Variants in SLC44A4 observed in about 807,000 individuals in gnomAD.
The protein encoded by SLC44A4 is choline transporter-like protein 4.
SLC44A4 carries 74 observed loss-of-function variants against 97.0 expected under a neutral mutation model. The observed-to-expected ratio is 0.76, with a 90% CI of 0.63 to 0.93. SLC44A4 has a LOEUF of 0.93. Among genes scored for constraint, SLC44A4 ranks in the 40% least tolerant of loss-of-function variants. The pLI, the probability that SLC44A4 is intolerant of heterozygous loss-of-function variation, is 0.00. For missense variants in SLC44A4, 799 were observed against 902.9 expected (o/e 0.88, Z 1.48); for synonymous variants, 325 against 363.8 (o/e 0.89, Z 1.21).
rs773487590 is a variant in SLC44A4, at chr6:31,865,094, T to TAGGGC, written c.1761-19_1761-15dup. 9.9e-6 allele frequency: 16 copies of TAGGGC among 1,613,230 alleles called. No homozygotes were observed. The Admixed American group carries it at 2.7e-4, about 27-fold the overall frequency. On this transcript the variant is annotated splice_polypyrimidine_tract_variant and intron_variant, in intron 17 of 20. Coordinates refer to ENST00000229729, the MANE Select transcript of SLC44A4 (RefSeq NM_025257.3). This position sits in a 1 kb window ranked among gnomAD's most constrained non-coding sequence, Gnocchi z 5.2. ...AGGACGACCACCCTGTGCCAGAAGT[T>TAGGGC]AGGGCAGGTTGAGGGTGAGAGGCCT...
Position 31,877,216 on chromosome 6 carries a change from G to A in SLC44A4, c.41-134C>T, listed in dbSNP as rs1230064952. 3.3e-6 allele frequency: 3 copies of A among 897,860 alleles called. No homozygotes were observed. Among genetic ancestry groups the A allele is most frequent in the Non-Finnish European group, 5.1e-6 (3 of 585,878 alleles). 55.6% of individuals were successfully genotyped at this position (897,860 alleles called of 1,614,324 possible). On this transcript the variant is annotated intron_variant, in intron 1 of 20. Transcript: ENST00000229729. The surrounding 1 kb of genome is among the most constrained non-coding windows in gnomAD (Gnocchi z 6.5). ...AGATGGGCTAGGGCAGGACTGGCAG[G>A]AGGGGAAAACTGGGGAGCAGGAAAG...
chr6:31,874,414 A>C lies in SLC44A4; in HGVS notation c.529+46T>G, dbSNP rs1168184278. 1 of 1,598,976 alleles carries C rather than the reference A, an allele frequency of 6.3e-7. No individual in the cohort carries two copies. The highest frequency in any genetic ancestry group is 1.7e-5 in the Admixed American group (1 of 59,942). On this transcript the variant is annotated intron_variant, in intron 7 of 20. Coordinates refer to ENST00000229729, the MANE Select transcript of SLC44A4 (RefSeq NM_025257.3). This position sits in a 1 kb window ranked among gnomAD's most constrained non-coding sequence, Gnocchi z 4.8. The stretch of plus-strand genomic sequence containing the variant: ...CTGATTTCTTCATTCAAGCAATGAA[A>C]ACACTGGACTAGATGACGTCTGAGG...
In SLC44A4 at chr6:31,865,283, G is replaced by A. The variant is rs1169835488; in HGVS notation, c.1760+32C>T. The A allele has an allele frequency of 6.2e-7, 1 of 1,612,928 alleles. No homozygotes were observed. The highest frequency in any genetic ancestry group is 1.3e-5 in the African/African-American group (1 of 74,842). ...AGCCTTGGGTGGGAGATCAGAGGAG[G>A]GAGCCACAAAGCGGGGGGGGAGCAG... On this transcript the variant is annotated intron_variant, in intron 17 of 20. Coordinates refer to ENST00000229729, the MANE Select transcript of SLC44A4 (RefSeq NM_025257.3). The surrounding 1 kb of genome is among the most constrained non-coding windows in gnomAD (Gnocchi z 5.2).
Position 31,874,603 on chromosome 6 carries a change from G to C in SLC44A4, c.469-83C>G. The stretch of plus-strand genomic sequence containing the variant: ...CCCCTCACCACCACCATGGGGCTCA[G>C]CCTGTCCCACACTCCCCAGGAGAGC... On this transcript the variant is annotated intron_variant, in intron 6 of 20. Transcript: ENST00000229729. This position sits in a 1 kb window ranked among gnomAD's most constrained non-coding sequence, Gnocchi z 4.8. 1 of 1,572,566 alleles carries C rather than the reference G, an allele frequency of 6.4e-7. No homozygotes were observed. The highest frequency in any genetic ancestry group is 8.6e-7 in the Non-Finnish European group (1 of 1,157,722).
In SLC44A4 at chr6:31,876,278, T is replaced by A. The variant is rs1763442097; in HGVS notation, c.90-149A>T. On this transcript the variant is annotated intron_variant, in intron 2 of 20. Transcript: ENST00000229729. The surrounding 1 kb of genome is among the most constrained non-coding windows in gnomAD (Gnocchi z 4.8). ...TTTTATTTTTTTATTGCTTTTACTT[T>A]TTTATTTTGAGACAGGGTCTCACTC... The A allele has an allele frequency of 1.3e-5, 8 of 623,768 alleles. No homozygotes were observed. The highest frequency in any genetic ancestry group is 3.7e-5 in the African/African-American group (2 of 53,424). The allele number at this position is 623,768 out of a possible 1,614,324, so 38.6% of individuals were successfully genotyped here.
intron 20 of SLC44A4, among the ~76,000 whole-genome samples, chr6:31,864,203 T>G (rs1045955455): frequency 2.6e-5 from 4 of 152,156 alleles, no homozygotes; most frequent in Non-Finnish European, 5.9e-5. Flanking sequence ...GCCTCCCAAG[T>G]GGCTGGGATT....
chr6:31,865,180 G>A lies in SLC44A4; in HGVS notation c.1761-100C>T. 6.5e-7 allele frequency: 1 copy of A among 1,542,266 alleles called. No homozygotes were observed. Among genetic ancestry groups the A allele is most frequent in the Non-Finnish European group, 9.0e-7 (1 of 1,115,144 alleles). Reference sequence around the variant, plus strand: ...TGGGGACTGGTGCAAAATGAAAATTGTTCACGTTTCAAGATGGCAAGAGCA... The same window carrying A: ...TGGGGACTGGTGCAAAATGAAAATTATTCACGTTTCAAGATGGCAAGAGCA... On this transcript the variant is annotated intron_variant, in intron 17 of 20. Transcript: ENST00000229729. This position sits in a 1 kb window ranked among gnomAD's most constrained non-coding sequence, Gnocchi z 5.2.
At chr6:31,868,240 C>A (rs1025017846) in intron 13 of SLC44A4, among the ~76,000 whole-genome samples, 2 of 152,216 alleles carry the variant, frequency 1.3e-5, no homozygotes, top group Non-Finnish European at 1.5e-5. Context: ...GCGCCACTCC[C>A]GGGGAACCTC....
intron 11 of SLC44A4, among the ~76,000 whole-genome samples, chr6:31,869,859 C>T (rs1763061330): frequency 6.6e-6 from 1 of 152,178 alleles, no homozygotes. Flanking sequence ...GTGGCGGGCG[C>T]CTGTAGTGCC....
Position 31,865,492 on chromosome 6 carries a change from G to T in SLC44A4, c.1686+6C>A. 1 of 1,611,524 alleles carries T rather than the reference G, an allele frequency of 6.2e-7. No homozygotes were observed. The highest frequency in any genetic ancestry group is 8.5e-7 in the Non-Finnish European group (1 of 1,177,870). The stretch of plus-strand genomic sequence containing the variant: ...AGAACAAAGGGTTGCTTGCAGTGTA[G>T]CTCACCATGATGTATGCATTGCGGT... On this transcript the variant is annotated splice_donor_region_variant and intron_variant, in intron 16 of 20. Coordinates refer to ENST00000229729, the MANE Select transcript of SLC44A4 (RefSeq NM_025257.3). This position sits in a 1 kb window ranked among gnomAD's most constrained non-coding sequence, Gnocchi z 5.2.
At position 31,874,598 on chromosome 6, in the gene SLC44A4, G is replaced by A; in HGVS notation, c.469-78C>T. 6.4e-7 allele frequency: 1 copy of A among 1,574,158 alleles called. No homozygotes were observed. Among genetic ancestry groups the A allele is most frequent in the South Asian group, 1.2e-5 (1 of 83,564 alleles). ...CAGGTCCCCTCACCACCACCATGGG[G>A]CTCAGCCTGTCCCACACTCCCCAGG... On this transcript the variant is annotated intron_variant, in intron 6 of 20. Coordinates refer to ENST00000229729, the MANE Select transcript of SLC44A4 (RefSeq NM_025257.3). The surrounding 1 kb of genome is among the most constrained non-coding windows in gnomAD (Gnocchi z 4.8).
At chr6:31,864,975 C>G (rs1762768985) in intron 18 of SLC44A4, 35 bp downstream of exon 18, 2 of 1,613,988 alleles carry the variant, frequency 1.2e-6, no homozygotes, top group Non-Finnish European at 1.7e-6. Flanking sequence ...GCCCAGCACC[C>G]CTACCCTCTG....
rs147793750 is a variant in SLC44A4, at chr6:31,866,539, C to T, written c.1234-413G>A. Among the ~76,000 whole-genome samples the T allele has an allele frequency of 2.5e-3, 381 of 152,242 alleles. 6 individuals are homozygous for T. Among genetic ancestry groups the T allele is most frequent in the African/African-American group, 8.2e-3 (340 of 41,542 alleles). On this transcript the variant is annotated intron_variant, in intron 13 of 20. Coordinates refer to ENST00000229729, the MANE Select transcript of SLC44A4 (RefSeq NM_025257.3). ...AGTTCTTATCTGTTGAGATCCATCT[C>T]GATGCATGTACAGGTGAAATGGCAT... is the stretch of plus-strand genomic sequence containing the variant.
chr6:31,875,716 G>T, intron 4 of SLC44A4, 136 bp downstream of exon 4: 1 of 759,048 alleles, frequency 1.3e-6, no homozygotes, highest in Non-Finnish European at 2.2e-6. Context: ...GATTCAGGGA[G>T]GCTGAGGTGG....
intron 20 of SLC44A4, 170 bp downstream of exon 20, chr6:31,864,478 CTCTT>C: frequency 1.6e-6 from 1 of 635,402 alleles, no homozygotes; most frequent in South Asian, 1.9e-5. Context: ...GGGGCTCACT[CTCTT>C]CCTTCTTCCC....
Position 31,865,316 on chromosome 6 carries a change from T to G in SLC44A4, c.1759A>C (p.Arg587=), listed in dbSNP as rs1374594243. 8.7e-6 allele frequency: 14 copies of G among 1,613,806 alleles called. No individual in the cohort carries two copies. The highest frequency in any genetic ancestry group is 1.2e-5 in the Non-Finnish European group (14 of 1,179,988). Residue 587 remains arginine (R), a splice_region_variant and synonymous_variant, in exon 17 of 21, where the codon AGG becomes CGG. Transcript: ENST00000229729. The surrounding 1 kb of genome is among the most constrained non-coding windows in gnomAD (Gnocchi z 5.2). ...AAAGCGGGGGGGGAGCAGCCTAACCTGACAATGTTTCGCATGAGTAGCATG... is the reference window on the plus strand; with the variant it reads ...AAAGCGGGGGGGGAGCAGCCTAACCGGACAATGTTTCGCATGAGTAGCATG... ...AFMLLMRNIV[R]VVVLDKVTDL...
rs1338569491 is a variant in SLC44A4 at position 31,870,945 on chromosome 6, C to T, written c.804G>A (p.Val268=). The T allele has an allele frequency of 1.2e-6, 2 of 1,612,998 alleles. No homozygotes were observed. The highest frequency in any genetic ancestry group is 1.7e-6 in the Non-Finnish European group (2 of 1,179,956). The part of the protein sequence containing the change: ...VLVLILGVLG[V]LAYGIYYCWE... ...AGCAGTAGTAGATGCCGTATGCCAG[C>T]ACGCCCAGCACTCCCAGGATCAGCA... The change falls in exon 10 of 21, where the codon GTG becomes GTA. Residue 268 remains valine (V), a synonymous_variant. Coordinates refer to ENST00000229729, the MANE Select transcript of SLC44A4 (RefSeq NM_025257.3).
In SLC44A4 at chr6:31,875,910, G is replaced by C; in HGVS notation, c.184C>G (p.Arg62Gly). The C allele has an allele frequency of 6.2e-7, 1 of 1,613,646 alleles. No individual in the cohort carries two copies. The highest frequency in any genetic ancestry group is 8.5e-7 in the Non-Finnish European group (1 of 1,179,854). The change falls in exon 4 of 21, where the codon CGG becomes GGG. Residue 62 changes from arginine (R) to glycine (G), a missense_variant. By Grantham distance (125) the Arg-to-Gly change is moderately radical (BLOSUM62 -2). Transcript: ENST00000229729. ...GAGTTCCTGGGGTAGAGGACTTGCC[G>C]GGGGTCTCCATACAACCAGGCTGCA... Reference protein sequence around the residue: ...GIVAWLYGDPRQVLYPRNSTG... With the variant: ...GIVAWLYGDPGQVLYPRNSTG...
chr6:31,864,978 AC>A, intron 18 of SLC44A4, 31 bp downstream of exon 18: 1 of 1,613,726 alleles, frequency 6.2e-7, no homozygotes, highest in Admixed American at 1.7e-5. Flanking sequence ...CAGCACCCCT[AC>A]CCTCTGTCCC....
Sources: allele counts gnomAD v4.1 joint callset (sites outside exome capture counted in the v4.1 genomes callset), GRCh38; gene constraint gnomAD v4.1.1; non-coding constraint Gnocchi (gnomAD v3.1); transcripts MANE v1.5; gene names NCBI Gene and HGNC (gene_info 2026-07-23, HGNC 2026-07-21).